The following CDON variants were observed in gnomAD, a reference collection of about 807,000 sequenced individuals.
The protein encoded by CDON is cell adhesion molecule-related/down-regulated by oncogenes.
A neutral mutation model predicts 120.9 loss-of-function variants in CDON; 73 were observed. That is an observed-to-expected ratio of 0.60 (90% CI 0.50 to 0.73). The LOEUF is 0.73. Among genes scored for constraint, CDON ranks in the 30% least tolerant of loss-of-function variants. The pLI is 0.00. For missense variants in CDON, 1,470 were observed against 1,587.3 expected (o/e 0.93, Z 1.26); for synonymous variants, 566 against 573.5 (o/e 0.99, Z 0.19).
In CDON at chr11:125,958,719, C is replaced by A. The variant is rs909462220; in HGVS notation, c.*2223G>T. On this transcript the variant is annotated 3_prime_UTR_variant, in exon 20 of 20. Coordinates refer to ENST00000531738, the MANE Select transcript of CDON (RefSeq NM_001378964.1). ...ATAAAGCAGTCCACAATGAGATTGT[C>A]CTAAAGGTAAAGCCATTTTCTCTTC... 2.0e-5 allele frequency: 3 copies of A among 152,398 alleles called. No individual in the cohort carries two copies. The South Asian group carries it at 6.3e-4, about 32-fold the overall frequency. The allele number at this position is 152,398 out of a possible 1,614,324, so 9.4% of individuals were successfully genotyped here. A position where few individuals can be genotyped will look rare whatever the true frequency, so the allele number is the denominator to read the frequency against.
chr11:125,997,644 A>G (rs140420138), intron 11 of CDON, among the ~76,000 whole-genome samples: 1 of 152,340 alleles, frequency 6.6e-6, no homozygotes, highest in East Asian at 1.9e-4. Flanking sequence ...GCTCTGAAAA[A>G]CTGAAAGCTA....
intron 14 of CDON, among the ~76,000 whole-genome samples, chr11:125,990,658 GA>G (rs35891744): frequency 6.6e-6 from 1 of 152,072 alleles, no homozygotes; most frequent in African/African-American, 2.4e-5. Flanking sequence ...TAAAGGGGGA[GA>G]AAAAAAGCAA....
intron 11 of CDON, among the ~76,000 whole-genome samples, chr11:126,000,429 A>G (rs1332015610): frequency 1.3e-5 from 2 of 152,170 alleles, no homozygotes; most frequent in African/African-American, 4.8e-5. Flanking sequence ...GCAGTTCTCA[A>G]ACTCCTGGAC....
chr11:125,962,139 C>T (rs1041411812), intron 18 of CDON, 141 bp from the exon 19 acceptor site: 12 of 721,948 alleles, frequency 1.7e-5, no homozygotes, highest in Non-Finnish European at 2.7e-5. Flanking sequence ...CTAAATGATT[C>T]ACTATGATTT....
chr11:126,022,769 T>C (rs910176469), intron 2 of CDON, among the ~76,000 whole-genome samples: 1 of 152,232 alleles, frequency 6.6e-6, no homozygotes, highest in African/African-American at 2.4e-5. Context: ...TAGCAGATAT[T>C]AAAAATAAAT....
intron 1 of CDON, among the ~76,000 whole-genome samples, chr11:126,038,891 C>A (rs752059079): frequency 2.0e-5 from 3 of 152,162 alleles, no homozygotes; most frequent in African/African-American, 4.8e-5. Flanking sequence ...ATTTAAATTA[C>A]CTTCTTTGCT....
intron 10 of CDON, among the ~76,000 whole-genome samples, chr11:126,002,593 C>A (rs779912011): frequency 7.2e-5 from 11 of 152,162 alleles, no homozygotes; most frequent in Non-Finnish European, 1.3e-4. Flanking sequence ...TTTTATCAAG[C>A]CTTCCCTCAC....
chr11:126,010,459 G>A lies in CDON; in HGVS notation c.1434C>T (p.Ser478=), dbSNP rs2134628927. The change falls in exon 8 of 20, where the codon TCC becomes TCT. Residue 478 remains serine, a synonymous_variant. Transcript: ENST00000531738. ...LNLEPVYFVL[S]QAGASSLHIQ... ...TATGGAGAGAGCTTGCACCAGCTTG[G>A]GACAGGACGAAGTACACAGGCTCCA... 3 of 1,614,048 alleles carry A rather than the reference G, an allele frequency of 1.9e-6. No homozygotes were observed. The highest frequency in any genetic ancestry group is 1.7e-6 in the Non-Finnish European group (2 of 1,179,992).
intron 8 of CDON, among the ~76,000 whole-genome samples, chr11:126,009,454 G>T (rs1947229547): frequency 6.6e-6 from 1 of 152,186 alleles, no homozygotes; most frequent in Admixed American, 6.5e-5. Context: ...ACTGAAGCAG[G>T]AAATGCTGGA....
chr11:125,981,310 A>G lies in CDON; in HGVS notation c.3015T>C (p.Tyr1005=), dbSNP rs1424571952. The change falls in exon 17 of 20, where the codon TAT becomes TAC. Residue 1005 remains tyrosine (Y), a synonymous_variant. Transcript: ENST00000531738. ...NTIQKYDPPG[Y]LYQGSDMNGQ... ...CGTTCATATCTGATCCTTGGTAGAG[A>G]TATCCTGGTGGGTCATATTCTGTTA... 2.5e-6 allele frequency: 4 copies of G among 1,613,634 alleles called. No individual in the cohort carries two copies. In the African/African-American group the frequency reaches 4.0e-5, roughly 16 times the overall value.
intron 7 of CDON, 48 bp from the exon 8 acceptor site, chr11:126,010,742 C>T (rs778071417): frequency 4.1e-6 from 6 of 1,461,150 alleles, no homozygotes; most frequent in African/African-American, 1.4e-5. Context: ...CATTGTAGTA[C>T]CTACGATGCA....
chr11:126,015,686 A>T (rs1947445798), intron 6 of CDON, among the ~76,000 whole-genome samples, 176 bp from the exon 7 acceptor site: 2 of 152,200 alleles, frequency 1.3e-5, no homozygotes, highest in South Asian at 4.1e-4. Context: ...TGTTCCACTA[A>T]TAGGATAAAC....
At chr11:125,975,034 T>C (rs1565496417) in intron 18 of CDON, among the ~76,000 whole-genome samples, 2 of 152,128 alleles carry the variant, frequency 1.3e-5, no homozygotes, top group Non-Finnish European at 2.9e-5. Flanking sequence ...TTCCCTCCTG[T>C]GCACTGCCAT....
At chr11:126,001,882 TA>T in intron 10 of CDON, 32 bp from the exon 11 acceptor site, 1 of 1,498,902 alleles carries the variant, frequency 6.7e-7, no homozygotes, top group Non-Finnish European at 9.3e-7. Context: ...TACAGTAACA[TA>T]AGCATATATG....
Position 126,018,395 on chromosome 11 carries a change from G to T in CDON, c.575C>A (p.Ala192Glu). 2 of 1,613,524 alleles carry T rather than the reference G, an allele frequency of 1.2e-6. No individual in the cohort carries two copies. The highest frequency in any genetic ancestry group is 1.7e-6 in the Non-Finnish European group (2 of 1,179,490). ...TTGATGTGTGACAGGATTATAAGCTGCACATTTGTATGATCCCTTGTCCTC... is the reference window on the plus strand; with the variant it reads ...TTGATGTGTGACAGGATTATAAGCTTCACATTTGTATGATCCCTTGTCCTC... ...SLEDKGSYKCAAYNPVTHQLK... is the reference protein window; with the variant it reads ...SLEDKGSYKCEAYNPVTHQLK... The change falls in exon 5 of 20, where the codon GCA (alanine) becomes GAA (glutamate). Residue 192 changes from alanine to glutamate, a missense_variant. By Grantham distance (107) the Ala-to-Glu change is moderately radical. Coordinates refer to ENST00000531738, the MANE Select transcript of CDON (RefSeq NM_001378964.1).
intron 1 of CDON, among the ~76,000 whole-genome samples, chr11:126,036,833 C>T (rs1381134592): frequency 1.3e-5 from 2 of 152,078 alleles, no homozygotes; most frequent in African/African-American, 2.4e-5. Flanking sequence ...GCACCACAGG[C>T]GCAAGCCATC....
intron 15 of CDON, among the ~76,000 whole-genome samples, chr11:125,987,364 C>T (rs1440955320): frequency 6.6e-6 from 1 of 152,178 alleles, no homozygotes; most frequent in South Asian, 2.1e-4. Flanking sequence ...CAGGCTTCAG[C>T]GCCTCTGTCA....
chr11:125,996,177 C>T (rs950051566), intron 12 of CDON, among the ~76,000 whole-genome samples: 30 of 150,278 alleles, frequency 2.0e-4, no homozygotes, highest in Non-Finnish European at 2.4e-4. Flanking sequence ...CACACACACA[C>T]ACACACACAC....
At chr11:125,962,627 G>T (rs796674414) in intron 18 of CDON, among the ~76,000 whole-genome samples, 6 of 152,042 alleles carry the variant, frequency 3.9e-5, no homozygotes, top group Admixed American at 1.3e-4. Flanking sequence ...CTGCCTTTAC[G>T]TACAATGTGT....
Sources: allele counts gnomAD v4.1 joint callset (sites outside exome capture counted in the v4.1 genomes callset), GRCh38; gene constraint gnomAD v4.1.1; transcripts MANE v1.5; gene names NCBI Gene and HGNC (gene_info 2026-07-23, HGNC 2026-07-21).